SPATA9: variants seen among roughly 807,000 people sequenced by gnomAD.
SPATA9 encodes spermatogenesis-associated protein 9.
Under a neutral mutation model 25.5 loss-of-function variants are expected in SPATA9, and 27 were observed. The ratio of observed to expected loss-of-function variants is 1.06; its 90% CI spans 0.78 to 1.46. The LOEUF (loss-of-function observed/expected upper bound fraction) is 1.46, where lower values mean the gene tolerates loss of function less well. Ranked by LOEUF, SPATA9 falls within the 40% of genes most tolerant of loss-of-function variation. SPATA9 has a pLI of 0.00. For synonymous variants in SPATA9, 102 were observed against 105.7 expected (o/e 0.97, Z 0.21); for missense variants, 282 against 297.5 (o/e 0.95, Z 0.38).
At chr5:95,685,640 AAG>A (rs1753723433), upstream of SPATA9, among the ~76,000 whole-genome samples, 1 of 152,320 alleles carries the variant, frequency 6.6e-6, no homozygotes, top group South Asian at 2.1e-4. Context: ...TATCTGGAGG[AAG>A]AGAACTGATA....
chr5:95,714,088 C>G, the SPATA9 span, among the ~76,000 whole-genome samples: 3 of 151,710 alleles, frequency 2.0e-5, no homozygotes, highest in African/African-American at 4.8e-5. Flanking sequence ...TTTATATTTG[C>G]CTTGGGTAAT....
At chr5:95,689,168 A>G (rs1753822962) in intron 1 of SPATA9, among the ~76,000 whole-genome samples, 1 of 152,248 alleles carries the variant, frequency 6.6e-6, no homozygotes, top group African/African-American at 2.4e-5. Flanking sequence ...TGAGATCCAT[A>G]AGACCAGAAA....
Position 95,682,858 on chromosome 5 carries a change from G to A in SPATA9, c.-4C>T. 1 of 1,522,182 alleles carries A rather than the reference G, an allele frequency of 6.6e-7. No individual in the cohort carries two copies. The highest frequency in any genetic ancestry group is 2.3e-5 in the Admixed American group (1 of 44,142). The allele number at this position is 1,522,182 out of a possible 1,614,324, so 94.3% of individuals were successfully genotyped here. Reference sequence around the variant, plus strand: ...ACCCAACAGGTTTGATTGGCATGGTGAGTTCTTGCTTGGGTTCCTAGTCCT... The same window carrying A: ...ACCCAACAGGTTTGATTGGCATGGTAAGTTCTTGCTTGGGTTCCTAGTCCT... On this transcript the variant is annotated 5_prime_UTR_variant, in exon 1 of 5. Transcript: ENST00000274432.
intron 2 of SPATA9, among the ~76,000 whole-genome samples, chr5:95,680,720 G>T (rs1410262132): frequency 6.6e-6 from 1 of 152,140 alleles, no homozygotes; most frequent in Non-Finnish European, 1.5e-5. Flanking sequence ...ATACACTGAT[G>T]ATTCCCAAAT....
chr5:95,722,359 G>T, the SPATA9 span, among the ~76,000 whole-genome samples: 2 of 152,120 alleles, frequency 1.3e-5, no homozygotes, highest in African/African-American at 2.4e-5. Context: ...CTAACATACT[G>T]TATTTCTGTA....
At chr5:95,731,911 A>G in the SPATA9 span, 2 of 1,613,928 alleles carry the variant, frequency 1.2e-6, no homozygotes, top group Non-Finnish European at 8.5e-7. Context: ...CCACCAGGAC[A>G]ACCGGCCGTC....
intron 3 of SPATA9, among the ~76,000 whole-genome samples, chr5:95,665,015 T>C (rs1018118255): frequency 1.3e-5 from 2 of 152,256 alleles, no homozygotes; most frequent in African/African-American, 4.8e-5. Flanking sequence ...AATTATGTTA[T>C]ATCCACTCAG....
intron 3 of SPATA9, among the ~76,000 whole-genome samples, chr5:95,673,571 T>C (rs6881025): frequency 2.6e-5 from 4 of 152,164 alleles, no homozygotes; most frequent in Non-Finnish European, 4.4e-5. Flanking sequence ...GAAGTATTCT[T>C]CAAAAGACAT....
intron 1 of SPATA9, among the ~76,000 whole-genome samples, chr5:95,694,733 T>C (rs1753972971): frequency 6.6e-6 from 1 of 152,250 alleles, no homozygotes; most frequent in African/African-American, 2.4e-5. Flanking sequence ...TTGAAGAATA[T>C]GCCACTTCAA....
At chr5:95,724,041 GATAC>G in the SPATA9 span, among the ~76,000 whole-genome samples, 3 of 152,088 alleles carry the variant, frequency 2.0e-5, no homozygotes, top group African/African-American at 7.2e-5. Context: ...ATTTGATAAC[GATAC>G]ATACATTATG....
intron 4 of SPATA9, among the ~76,000 whole-genome samples, chr5:95,661,239 C>G (rs775152016): frequency 1.3e-5 from 2 of 152,076 alleles, no homozygotes; most frequent in Non-Finnish European, 2.9e-5. Context: ...CTGATTGTTG[C>G]TTCTTGTCTC....
At chr5:95,652,430 C>T, downstream of SPATA9, 1 of 1,419,844 alleles carries the variant, frequency 7.0e-7, no homozygotes, top group African/African-American at 1.4e-5. Flanking sequence ...CTTGACATCT[C>T]TACTTGGATG....
At chr5:95,731,525 C>T in the SPATA9 span, 72 of 1,301,534 alleles carry the variant, frequency 5.5e-5, no homozygotes, top group East Asian at 6.6e-4. Flanking sequence ...GGCGCGGCCC[C>T]GGCCCCGCTC....
chr5:95,685,251 A>G (rs989193785), upstream of SPATA9, among the ~76,000 whole-genome samples: 1 of 152,230 alleles, frequency 6.6e-6, no homozygotes, highest in African/African-American at 2.4e-5. Context: ...GTAAAACTCA[A>G]TGCTGGGCTT....
At chr5:95,720,265 C>A in the SPATA9 span, among the ~76,000 whole-genome samples, 2 of 152,162 alleles carry the variant, frequency 1.3e-5, no homozygotes, top group Non-Finnish European at 2.9e-5. Flanking sequence ...CCTGAGCAGC[C>A]CAGCTGGCCT....
chr5:95,727,497 C>A, the SPATA9 span, among the ~76,000 whole-genome samples: 1 of 152,092 alleles, frequency 6.6e-6, no homozygotes, highest in Non-Finnish European at 1.5e-5. Context: ...ATAAAAACAT[C>A]TAATAGAGTA....
Position 95,682,921 on chromosome 5 carries a change from C to G in SPATA9, c.-67G>C. 1.4e-6 allele frequency: 2 copies of G among 1,428,236 alleles called. No homozygotes were observed. Among genetic ancestry groups the G allele is most frequent in the Non-Finnish European group, 9.2e-7 (1 of 1,089,616 alleles). The allele number at this position is 1,428,236 out of a possible 1,614,324, so 88.5% of individuals were successfully genotyped here. ...AGGCCTGGGTAATGCTTGTCCTAGT[C>G]TGCCATTAGTGAAAGATGAGGGTAG... On this transcript the variant is annotated 5_prime_UTR_variant, in exon 1 of 5. Coordinates refer to ENST00000274432, the MANE Select transcript of SPATA9 (RefSeq NM_031952.4).
At chr5:95,697,907 A>G (rs928361923) in intron 1 of SPATA9, among the ~76,000 whole-genome samples, 1 of 148,346 alleles carries the variant, frequency 6.7e-6, no homozygotes, top group African/African-American at 2.5e-5. Context: ...CATTCCATGA[A>G]AAAAAAAAAA....
upstream of SPATA9, among the ~76,000 whole-genome samples, chr5:95,683,828 C>T (rs548032441): frequency 3.3e-5 from 5 of 152,280 alleles, no homozygotes; most frequent in South Asian, 2.1e-4. Context: ...TGAGCCACCA[C>T]GCCCGGCCGA....
Sources: gnomAD v4.1 joint callset for allele counts (sites outside exome capture counted in the v4.1 genomes callset) on GRCh38, gnomAD v4.1.1 for gene constraint, MANE v1.5 for transcripts, NCBI Gene and HGNC (gene_info 2026-07-23, HGNC 2026-07-21) for gene names.